The following SYNE1 variants were observed in gnomAD, a reference collection of about 807,000 sequenced individuals.
SYNE1 encodes nesprin-1.
In SYNE1, 616 loss-of-function variants were observed where a neutral mutation model predicts 1,111.0. The observed-to-expected ratio is 0.55, with a 90% CI of 0.52 to 0.59. The LOEUF is 0.59. Among genes scored for constraint, SYNE1 ranks in the 20% least tolerant of loss-of-function variants. The pLI is 0.00. For synonymous variants in SYNE1, 3,855 were observed against 3,825.8 expected, an observed-to-expected ratio of 1.01 and a Z score of -0.28; for missense variants, 10,006 against 10,417.0, an observed-to-expected ratio of 0.96 and a Z score of 1.72.
In SYNE1 at chr6:152,352,192, C is replaced by T; in HGVS notation, c.11415G>A (p.Arg3805=). ...EQLKELTSTV[R]KEHMTLEKGL... ...CTTTTTCCAGCGTCATGTGTTCTTT[C>T]CGGACAGTGCTGGTCAGTTCCTTCA... The change falls in exon 70 of 146, where the codon CGG becomes CGA. Residue 3805 remains arginine (R), a synonymous_variant. Coordinates refer to ENST00000367255, the MANE Select transcript of SYNE1 (RefSeq NM_182961.4). 6.2e-7 allele frequency: 1 copy of T among 1,614,160 alleles called. No homozygotes were observed. Among genetic ancestry groups the T allele is most frequent in the Non-Finnish European group, 8.5e-7 (1 of 1,180,034 alleles).
chr6:152,390,776 C>T (rs2097601382), intron 52 of SYNE1, among the ~76,000 whole-genome samples: 2 of 152,182 alleles, frequency 1.3e-5, no homozygotes, highest in Admixed American at 6.5e-5. Flanking sequence ...ACCCAGCAGT[C>T]CCCTACATTA....
At chr6:152,432,352 A>G (rs2098436967) in intron 34 of SYNE1, among the ~76,000 whole-genome samples, 1 of 152,152 alleles carries the variant, frequency 6.6e-6, no homozygotes, top group African/African-American at 2.4e-5. Flanking sequence ...TTGGAAATAA[A>G]ACATGAACCT....
intron 50 of SYNE1, 41 bp from the exon 51 acceptor site, chr6:152,395,712 T>C (rs926526170): frequency 2.3e-5 from 37 of 1,608,120 alleles, no homozygotes; most frequent in Non-Finnish European, 3.1e-5. Flanking sequence ...CTTACATGCT[T>C]GTTATGATAA....
chr6:152,145,639 A>T, intron 137 of SYNE1: 2 of 1,235,144 alleles, frequency 1.6e-6, no homozygotes, highest in Non-Finnish European at 2.4e-6. Context: ...TTCCTAGGGG[A>T]AAAAAAGGAA....
chr6:152,321,173 C>T, intron 84 of SYNE1, 65 bp downstream of exon 84: 1 of 1,575,406 alleles, frequency 6.3e-7, no homozygotes, highest in Non-Finnish European at 8.7e-7. Context: ...ATCAAGAACT[C>T]TCACACAAGA....
Position 152,590,868 on chromosome 6 carries a change from G to T in SYNE1, c.67+37397C>A, listed in dbSNP as rs949595044. Among the ~76,000 whole-genome samples the T allele has an allele frequency of 2.0e-5, 3 of 152,082 alleles. No individual in the cohort carries two copies. The East Asian group carries it at 5.8e-4, about 29-fold the overall frequency. ...GCTTAAGATTGCTTTGACTATTTGGGCTCTTTTTTGGTTCCACAGAAATTT... is the reference window on the plus strand; with the variant it reads ...GCTTAAGATTGCTTTGACTATTTGGTCTCTTTTTTGGTTCCACAGAAATTT... On this transcript the variant is annotated intron_variant, in intron 3 of 145. Transcript: ENST00000367255.
intron 91 of SYNE1, among the ~76,000 whole-genome samples, chr6:152,305,755 C>T (rs998043825): frequency 3.3e-5 from 5 of 152,220 alleles, no homozygotes; most frequent in Admixed American, 6.5e-5. Flanking sequence ...TCAGCACTTT[C>T]CTTCCTGTGT....
chr6:152,587,666 C>A (rs1444816074), intron 3 of SYNE1, among the ~76,000 whole-genome samples: 1 of 152,184 alleles, frequency 6.6e-6, no homozygotes, highest in African/African-American at 2.4e-5. Flanking sequence ...CTTCCCACAT[C>A]CTCTCTTGTA....
At chr6:152,234,863 G>A (rs927427280) in intron 110 of SYNE1, 63 bp from the exon 111 acceptor site, 20 of 1,571,864 alleles carry the variant, frequency 1.3e-5, no homozygotes, top group South Asian at 2.2e-5. Context: ...ACTCACCTAC[G>A]TTACTCACCA....
At chr6:152,280,973 G>A (rs963289063) in intron 97 of SYNE1, among the ~76,000 whole-genome samples, 4 of 152,178 alleles carry the variant, frequency 2.6e-5, no homozygotes, top group Non-Finnish European at 1.5e-5. Context: ...AAAAGTTAGT[G>A]TGCACTAAGT....
In SYNE1 at chr6:152,631,877, T is replaced by G. The variant is rs1034078830; in HGVS notation, c.-223-3323A>C. Among the ~76,000 whole-genome samples the G allele has an allele frequency of 4.9e-4, 75 of 152,294 alleles. 1 individual carries two copies. Among genetic ancestry groups the G allele is most frequent in the Non-Finnish European group, 1.0e-3 (70 of 68,030 alleles). On this transcript the variant is annotated intron_variant, in intron 2 of 145. Coordinates refer to ENST00000367255, the MANE Select transcript of SYNE1 (RefSeq NM_182961.4). ...CATCCAAACACTCTCCCCTTCATGC[T>G]TCATATCTTTGGAACAACTCAGGAG...
At position 152,255,608 on chromosome 6, in the gene SYNE1, A is replaced by C. The variant is rs1398807335; in HGVS notation, c.19243T>G (p.Cys6415Gly). 6.2e-7 allele frequency: 1 copy of C among 1,614,108 alleles called. No individual in the cohort carries two copies. The highest frequency in any genetic ancestry group is 8.5e-7 in the Non-Finnish European group (1 of 1,180,050). ...AAACCTACCTCTTGGTTGAAGAGAC[A>C]AGTCTCTGTTTCTTCTGGTAAAAGT... ...TALLPEETET[C>G]LFNQEILAKD... Residue 6415 changes from cysteine (C) to glycine (G), a missense_variant, in exon 103 of 146, where the codon TGT (cysteine) becomes GGT (glycine). By Grantham distance (159) the Cys-to-Gly change is radical. Around this residue, in one of 7 missense-constraint regions of SYNE1, gnomAD observed 2,182 missense variants for 2,287.8 expected, o/e 0.95. Coordinates refer to ENST00000367255, the MANE Select transcript of SYNE1 (RefSeq NM_182961.4).
At position 152,520,525 on chromosome 6, in the gene SYNE1, G is replaced by T. The variant is rs561052841; in HGVS notation, c.243C>A (p.Arg81=). 2 of 1,613,628 alleles carry T rather than the reference G, an allele frequency of 1.2e-6. No individual in the cohort carries two copies. The highest frequency in any genetic ancestry group is 1.7e-6 in the Non-Finnish European group (2 of 1,179,714). ...CCACAGCATGGATTCGCTTCATCCG[G>T]CGTCCTTGTTCACAAGGCTGTAAAA... ...SGQKLPCEQG[R]RMKRIHAVAN... Residue 81 remains arginine, a synonymous_variant, in exon 6 of 146, where the codon CGC becomes CGA. Transcript: ENST00000367255.
intron 14 of SYNE1, among the ~76,000 whole-genome samples, chr6:152,475,628 C>T (rs2098830568): frequency 6.6e-6 from 1 of 152,020 alleles, no homozygotes; most frequent in South Asian, 2.1e-4. Flanking sequence ...TTGAGCATGC[C>T]CATTAAACTT....
At position 152,209,977 on chromosome 6, in the gene SYNE1, T is replaced by C. The variant is rs73619347; in HGVS notation, c.22589+1517A>G. ...TCTTGCTTTCCCTACCAGGTAACCA[T>C]CCAAGGCCTCTTAGGATTCCCCACC... On this transcript the variant is annotated intron_variant, in intron 124 of 145. Coordinates refer to ENST00000367255, the MANE Select transcript of SYNE1 (RefSeq NM_182961.4). Among the ~76,000 whole-genome samples the C allele has an allele frequency of 1.4e-3, 213 of 152,254 alleles. 1 individual carries two copies. Among genetic ancestry groups the C allele is most frequent in the African/African-American group, 4.9e-3 (202 of 41,540 alleles).
chr6:152,294,182 T>C (rs980115080), intron 93 of SYNE1, 55 bp from the exon 94 acceptor site: 5 of 1,580,910 alleles, frequency 3.2e-6, no homozygotes, highest in Non-Finnish European at 3.4e-6. Flanking sequence ...TCTAGATTAA[T>C]ATGCTCTGGG....
chr6:152,288,420 T>C (rs546137864), intron 95 of SYNE1, among the ~76,000 whole-genome samples: 90 of 152,244 alleles, frequency 5.9e-4, no homozygotes, highest in Non-Finnish European at 6.5e-4. Context: ...TCATTGGCTT[T>C]GACCAACCAG....
intron 4 of SYNE1, among the ~76,000 whole-genome samples, chr6:152,530,788 A>T (rs1390698692): frequency 1.3e-5 from 2 of 150,936 alleles, no homozygotes; most frequent in Non-Finnish European, 3.0e-5. Flanking sequence ...CACCCAGCTA[A>T]TTTTTTTTGT....
In SYNE1 at chr6:152,202,009, A is replaced by G. The variant is rs571678717; in HGVS notation, c.23020-60T>C. Reference sequence around the variant, plus strand: ...TTTTGATGTAGGAAACTGGGGGGGGAAAAGAAAAGAAACACTCTTCTTCAT... The same window carrying G: ...TTTTGATGTAGGAAACTGGGGGGGGGAAAGAAAAGAAACACTCTTCTTCAT... On this transcript the variant is annotated intron_variant, in intron 126 of 145. Transcript: ENST00000367255. The G allele has an allele frequency of 4.1e-4, 653 of 1,576,960 alleles. 1 individual carries two copies. The highest frequency in any genetic ancestry group is 1.4e-3 in the African/African-American group (107 of 74,016).
Sources: gnomAD v4.1 joint callset for allele counts (sites outside exome capture counted in the v4.1 genomes callset) on GRCh38, gnomAD v4.1.1 for gene constraint, gnomAD v4.1.1 regional missense constraint, MANE v1.5 for transcripts, NCBI Gene and HGNC (gene_info 2026-07-23, HGNC 2026-07-21) for gene names.